PCDHGC5: variants seen among roughly 807,000 people sequenced by gnomAD.
PCDHGC5 encodes the protein protocadherin gamma subfamily C, 5.
In PCDHGC5, 25 loss-of-function variants were observed where a neutral mutation model predicts 59.0. The observed-to-expected ratio is 0.42, with a 90% CI of 0.31 to 0.59. PCDHGC5 has a LOEUF of 0.59. Ranked by LOEUF, PCDHGC5 falls within the 20% of genes least tolerant of loss-of-function variation. The probability of loss-of-function intolerance (pLI) is 0.13; values close to 1 mark genes in which losing one functional copy is unlikely to be tolerated. For synonymous variants in PCDHGC5, 434 were observed against 505.5 expected (o/e 0.86, Z 1.90); for missense variants, 1,067 against 1,206.4 (o/e 0.88, Z 1.71).
In PCDHGC5 at chr5:141,494,634, T is replaced by C. The variant is rs917243803; in HGVS notation, c.2461-173T>C. The C allele has an allele frequency of 1.1e-5, 10 of 889,216 alleles. No individual in the cohort carries two copies. In the African/African-American group the frequency reaches 1.8e-4, roughly 16 times the overall value. 55.1% of individuals were successfully genotyped at this position (889,216 alleles called of 1,614,324 possible). A position where few individuals can be genotyped will look rare whatever the true frequency, so the allele number is the denominator to read the frequency against. On this transcript the variant is annotated intron_variant, in intron 1 of 3. Coordinates refer to ENST00000252087, the MANE Select transcript of PCDHGC5 (RefSeq NM_018929.3). ...CTTGGTTTCTGGTACCTCAGACCTC[T>C]GAGACCTGAGGTGTATTTTGTCTTT...
intron 3 of PCDHGC5, among the ~76,000 whole-genome samples, chr5:141,510,092 T>C (rs973542449): frequency 6.6e-6 from 1 of 152,138 alleles, no homozygotes; most frequent in South Asian, 2.1e-4. Flanking sequence ...TGGCACACAG[T>C]AGGTGCTCAA....
At position 141,490,132 on chromosome 5, in the gene PCDHGC5, A is replaced by C. The variant is rs1245562757; in HGVS notation, c.892A>C (p.Ser298Arg). The change falls in exon 1 of 4, where the codon AGC (serine) becomes CGC (arginine). Residue 298 changes from serine (S) to arginine (R), a missense_variant. Coordinates refer to ENST00000252087, the MANE Select transcript of PCDHGC5 (RefSeq NM_018929.3). This position sits in a 1 kb window ranked among gnomAD's most constrained non-coding sequence, Gnocchi z 5.4. ...GCGGAACCTCTTTGGCCTAGACCCT[A>C]GCAGTGGGGCAATCCATGTGTTGGG... The part of the protein sequence containing the change: ...AVRNLFGLDP[S>R]SGAIHVLGPI... 6.2e-7 allele frequency: 1 copy of C among 1,614,220 alleles called. No individual in the cohort carries two copies. Among genetic ancestry groups the C allele is most frequent in the South Asian group, 1.1e-5 (1 of 91,088 alleles).
Position 141,491,170 on chromosome 5 carries a change from G to A in PCDHGC5, c.1930G>A (p.Val644Met). The part of the protein sequence containing the change: ...LLEDDSDTQQ[V>M]VVLVRDNGDP... The stretch of plus-strand genomic sequence containing the variant: ...GGAGGATGACTCTGACACCCAGCAG[G>A]TGGTGGTCCTGGTGAGGGACAATGG... Residue 644 changes from valine to methionine, a missense_variant, in exon 1 of 4, where the codon GTG (valine) becomes ATG (methionine). Physicochemically the swap from Val to Met is conservative, Grantham distance 21. Coordinates refer to ENST00000252087, the MANE Select transcript of PCDHGC5 (RefSeq NM_018929.3). The surrounding 1 kb of genome is among the most constrained non-coding windows in gnomAD (Gnocchi z 6.9). 6.2e-7 allele frequency: 1 copy of A among 1,614,176 alleles called. No individual in the cohort carries two copies. Among genetic ancestry groups the A allele is most frequent in the Non-Finnish European group, 8.5e-7 (1 of 1,179,996 alleles).
At chr5:141,497,223 T>G (rs921763195) in intron 2 of PCDHGC5, among the ~76,000 whole-genome samples, 14 of 151,762 alleles carry the variant, frequency 9.2e-5, no homozygotes, top group African/African-American at 3.4e-4. Context: ...GGGGGGAAGA[T>G]CAGAGAAGGC....
intron 2 of PCDHGC5, among the ~76,000 whole-genome samples, chr5:141,500,614 C>T (rs1300242596): frequency 1.3e-5 from 2 of 152,204 alleles, no homozygotes; most frequent in African/African-American, 4.8e-5. Context: ...TATTCCCAGT[C>T]ATACGGTACA....
chr5:141,489,467 C>G lies in PCDHGC5; in HGVS notation c.227C>G (p.Ser76Cys). 1 of 1,614,076 alleles carries G rather than the reference C, an allele frequency of 6.2e-7. No individual in the cohort carries two copies. The highest frequency in any genetic ancestry group is 8.5e-7 in the Non-Finnish European group (1 of 1,180,026). Reference protein sequence around the residue: ...LGSEENGRYFSLSLMSGALAV... With the variant: ...LGSEENGRYFCLSLMSGALAV... Reference sequence around the variant, plus strand: ...TCTGAGGAGAATGGGCGCTATTTTTCCCTGAGCTTGATGAGTGGTGCCCTG... The same window carrying G: ...TCTGAGGAGAATGGGCGCTATTTTTGCCTGAGCTTGATGAGTGGTGCCCTG... The change falls in exon 1 of 4, where the codon TCC becomes TGC. Residue 76 changes from serine to cysteine, a missense_variant. Physicochemically the swap from Ser to Cys is moderately radical, Grantham distance 112. Transcript: ENST00000252087. The surrounding 1 kb of genome is among the most constrained non-coding windows in gnomAD (Gnocchi z 4.5).
At chr5:141,505,336 G>A in intron 2 of PCDHGC5, 57 bp from the exon 3 acceptor site, 2 of 1,611,374 alleles carry the variant, frequency 1.2e-6, no homozygotes, top group South Asian at 1.1e-5. Flanking sequence ...GAGGACAGGA[G>A]GGGCATGAGC....
intron 2 of PCDHGC5, among the ~76,000 whole-genome samples, chr5:141,504,741 T>C (rs968590796): frequency 2.6e-5 from 4 of 151,826 alleles, no homozygotes; most frequent in South Asian, 2.1e-4. Context: ...TAGGAAGCCA[T>C]TGAATTTTAG....
chr5:141,490,065 C>A lies in PCDHGC5; in HGVS notation c.825C>A (p.Gly275=), dbSNP rs1161257597. ...CTGATCCAGACGAGGGCACCAACGG[C>A]CAACTAGACTATTCTTTTGGAGACC... The part of the protein sequence containing the change: ...NATDPDEGTN[G]QLDYSFGDHT... Residue 275 remains glycine, a synonymous_variant, in exon 1 of 4, where the codon GGC becomes GGA. Coordinates refer to ENST00000252087, the MANE Select transcript of PCDHGC5 (RefSeq NM_018929.3). This position sits in a 1 kb window ranked among gnomAD's most constrained non-coding sequence, Gnocchi z 5.4. 1 of 1,614,258 alleles carries A rather than the reference C, an allele frequency of 6.2e-7. No individual in the cohort carries two copies. Among genetic ancestry groups the A allele is most frequent in the South Asian group, 1.1e-5 (1 of 91,090 alleles).
intron 2 of PCDHGC5, among the ~76,000 whole-genome samples, chr5:141,502,832 G>T (rs1266910323): frequency 6.6e-6 from 1 of 150,516 alleles, no homozygotes; most frequent in Non-Finnish European, 1.5e-5. Context: ...GGGGAAGCCT[G>T]GACTGGCTGA....
At position 141,490,221 on chromosome 5, in the gene PCDHGC5, G is replaced by A; in HGVS notation, c.981G>A (p.Gln327=). 6.2e-7 allele frequency: 1 copy of A among 1,614,236 alleles called. No individual in the cohort carries two copies. The highest frequency in any genetic ancestry group is 1.1e-5 in the South Asian group (1 of 91,084). ...ATGCAAGAGCCCGTGACCAGGGACAGCCTGCCATGGAGGGCCACTGTGTGA... is the reference window on the plus strand; with the variant it reads ...ATGCAAGAGCCCGTGACCAGGGACAACCTGCCATGGAGGGCCACTGTGTGA... ...EIHARARDQG[Q]PAMEGHCVIQ... Residue 327 remains glutamine (Q), a synonymous_variant, in exon 1 of 4, where the codon CAG becomes CAA. Transcript: ENST00000252087. The surrounding 1 kb of genome is among the most constrained non-coding windows in gnomAD (Gnocchi z 5.4).
Position 141,489,273 on chromosome 5 carries a change from G to GA in PCDHGC5, c.36dup (p.Trp13MetfsTer28). The GA allele has an allele frequency of 6.4e-7, 1 of 1,555,870 alleles. No individual in the cohort carries two copies. The highest frequency in any genetic ancestry group is 2.2e-5 in the East Asian group (1 of 44,466). On this transcript the variant is annotated frameshift_variant, in exon 1 of 4. Coordinates refer to ENST00000252087, the MANE Select transcript of PCDHGC5 (RefSeq NM_018929.3). LOFTEE classifies it high-confidence loss of function. The surrounding 1 kb of genome is among the most constrained non-coding windows in gnomAD (Gnocchi z 4.5). ...CCAAGACACTCCCACAGCTCGCTGG[G>GA]AAATGGCAAGTGCTGTGCATGTTGT...
At position 141,511,519 on chromosome 5, in the gene PCDHGC5, C is replaced by A; in HGVS notation, c.*346C>A. On this transcript the variant is annotated 3_prime_UTR_variant, in exon 4 of 4. Transcript: ENST00000252087. ...CCAAATCAATCAGGCCCATCCATCC[C>A]ATGCCTCCCTCCTCCCCACCCCACT... 2.7e-6 allele frequency: 1 copy of A among 367,516 alleles called. No individual in the cohort carries two copies. The highest frequency in any genetic ancestry group is 2.7e-5 in the South Asian group (1 of 36,848). 22.8% of individuals were successfully genotyped at this position (367,516 alleles called of 1,614,324 possible). A position where few individuals can be genotyped will look rare whatever the true frequency, so the allele number is the denominator to read the frequency against.
intron 2 of PCDHGC5, among the ~76,000 whole-genome samples, chr5:141,497,483 C>T (rs1039341023): frequency 6.6e-6 from 1 of 150,378 alleles, no homozygotes; most frequent in Non-Finnish European, 1.5e-5. Context: ...AGGTGCGGAA[C>T]CTCTCTCTCT....
At chr5:141,507,862 G>A (rs17286954) in intron 3 of PCDHGC5, among the ~76,000 whole-genome samples, 4 of 152,076 alleles carry the variant, frequency 2.6e-5, no homozygotes, top group African/African-American at 7.2e-5. Flanking sequence ...TTTCACACCC[G>A]CTTCCTAGCC....
Position 141,489,173 on chromosome 5 carries a change from C to T in PCDHGC5, c.-68C>T. 8.3e-7 allele frequency: 1 copy of T among 1,208,434 alleles called. No individual in the cohort carries two copies. Among genetic ancestry groups the T allele is most frequent in the Non-Finnish European group, 1.2e-6 (1 of 860,944 alleles). The allele number at this position is 1,208,434 out of a possible 1,614,324, so 74.9% of individuals were successfully genotyped here. ...CATAAGAGACTTCAGCTGCTGCATTCCAAGCCCTGGGTCTACCTTGGAGAC... is the reference window on the plus strand; with the variant it reads ...CATAAGAGACTTCAGCTGCTGCATTTCAAGCCCTGGGTCTACCTTGGAGAC... On this transcript the variant is annotated 5_prime_UTR_variant, in exon 1 of 4. Coordinates refer to ENST00000252087, the MANE Select transcript of PCDHGC5 (RefSeq NM_018929.3). The surrounding 1 kb of genome is among the most constrained non-coding windows in gnomAD (Gnocchi z 4.5).
chr5:141,511,400 T>A lies in PCDHGC5; in HGVS notation c.*227T>A, dbSNP rs1208021848. On this transcript the variant is annotated 3_prime_UTR_variant, in exon 4 of 4. Coordinates refer to ENST00000252087, the MANE Select transcript of PCDHGC5 (RefSeq NM_018929.3). ...AGTTCCGCTGGGAACCCCCATCCAA[T>A]CAACTGCTGTACCCATGGGGGTAGT... 1.1e-5 allele frequency: 11 copies of A among 982,132 alleles called. No individual in the cohort carries two copies. Among genetic ancestry groups the A allele is most frequent in the African/African-American group, 3.3e-5 (2 of 60,924 alleles). 60.8% of individuals were successfully genotyped at this position (982,132 alleles called of 1,614,324 possible).
intron 2 of PCDHGC5, among the ~76,000 whole-genome samples, chr5:141,504,039 AC>A (rs1396515708): frequency 6.6e-6 from 1 of 152,184 alleles, no homozygotes; most frequent in African/African-American, 2.4e-5. Context: ...CATTTAGGCA[AC>A]AAATATTTAT....
intron 3 of PCDHGC5, among the ~76,000 whole-genome samples, chr5:141,505,698 G>A (rs1041309644): frequency 2.0e-5 from 3 of 152,280 alleles, no homozygotes; most frequent in Admixed American, 6.5e-5. Context: ...GGAGGAGAGC[G>A]AACAAGGAAA....
Sources: gnomAD v4.1 joint callset for allele counts (sites outside exome capture counted in the v4.1 genomes callset) on GRCh38, gnomAD v4.1.1 for gene constraint, Gnocchi (gnomAD v3.1) non-coding constraint, MANE v1.5 for transcripts, NCBI Gene and HGNC (gene_info 2026-07-23, HGNC 2026-07-21) for gene names.